PTGR1: variants seen among roughly 807,000 people sequenced by gnomAD.
PTGR1 encodes prostaglandin reductase 1, also known as 15-oxoprostaglandin 13-reductase.
In PTGR1, 23 loss-of-function variants were observed where a neutral mutation model predicts 37.7. That is an observed-to-expected ratio of 0.61 (90% CI 0.44 to 0.86). The LOEUF (loss-of-function observed/expected upper bound fraction) is 0.86, where lower values mean the gene tolerates loss of function less well. PTGR1 is among the 40% of genes least tolerant of loss of function. The pLI, the probability that PTGR1 is intolerant of heterozygous loss-of-function variation, is 0.00. For synonymous variants in PTGR1, 134 were observed against 140.0 expected, an observed-to-expected ratio of 0.96 and a Z score of 0.30; for missense variants, 351 against 394.3, an observed-to-expected ratio of 0.89 and a Z score of 0.93.
chr9:111,579,421 T>C (rs1282911452), intron 6 of PTGR1, among the ~76,000 whole-genome samples: 1 of 152,140 alleles, frequency 6.6e-6, no homozygotes, highest in African/African-American at 2.4e-5. Flanking sequence ...TTTTGAGACA[T>C]GGTCTCACTC....
intron 9 of PTGR1, among the ~76,000 whole-genome samples, chr9:111,568,032 G>T (rs1025545079): frequency 6.6e-6 from 1 of 152,166 alleles, no homozygotes; most frequent in Non-Finnish European, 1.5e-5. Flanking sequence ...TGTACAAATT[G>T]ATTGTAAAAC....
chr9:111,594,069 AC>A (rs1265498145), intron 3 of PTGR1, among the ~76,000 whole-genome samples, 152 bp downstream of exon 3: 1 of 151,988 alleles, frequency 6.6e-6, no homozygotes, highest in Non-Finnish European at 1.5e-5. Flanking sequence ...CCTGCAAAAG[AC>A]GAGCGTGCAT....
At position 111,594,239 on chromosome 9, in the gene PTGR1, G is replaced by A. The variant is rs142937318; in HGVS notation, c.135C>T (p.Thr45=). 69 of 1,613,432 alleles carry A rather than the reference G, an allele frequency of 4.3e-5. No individual in the cohort carries two copies. The Admixed American group carries it at 5.7e-4, about 13-fold the overall frequency. ...AATAATACCTCATGTAGGGATCCAC[G>A]GTGAGGAACAAAGCTTCAAGCAGGA... ...GEVLLEALFL[T]VDPYMRVAAK... The change falls in exon 3 of 10, where the codon ACC becomes ACT. Residue 45 remains threonine, a synonymous_variant. Transcript: ENST00000407693.
intron 9 of PTGR1, among the ~76,000 whole-genome samples, chr9:111,567,535 C>G (rs879164992): frequency 2.6e-5 from 4 of 151,888 alleles, no homozygotes; most frequent in Non-Finnish European, 5.9e-5. Context: ...ATTCAGCAAG[C>G]AGTTACAGAG....
At chr9:111,583,346 A>C in intron 6 of PTGR1, 126 bp downstream of exon 6, 1 of 755,630 alleles carries the variant, frequency 1.3e-6, no homozygotes, top group Non-Finnish European at 2.2e-6. Flanking sequence ...CAATTTCTCA[A>C]TCTCCAACTT....
In PTGR1 at chr9:111,597,445, A is replaced by T; in HGVS notation, c.-10-13T>A. ...CATCCTGAAGCTCCTAGAACACAGT[A>T]AATATGTAGTCAACTGCCATGAAGT... On this transcript the variant is annotated splice_polypyrimidine_tract_variant and intron_variant, in intron 1 of 9. Coordinates refer to ENST00000407693, the MANE Select transcript of PTGR1 (RefSeq NM_001146108.2). The T allele has an allele frequency of 6.5e-7, 1 of 1,538,094 alleles. No homozygotes were observed. Among genetic ancestry groups the T allele is most frequent in the Non-Finnish European group, 9.0e-7 (1 of 1,116,046 alleles).
At chr9:111,559,004 G>C (rs887415113), downstream of PTGR1, among the ~76,000 whole-genome samples, 1 of 152,034 alleles carries the variant, frequency 6.6e-6, no homozygotes, top group Non-Finnish European at 1.5e-5. Flanking sequence ...ACATCCTGCA[G>C]CTCCTGGCCC....
intron 2 of PTGR1, among the ~76,000 whole-genome samples, chr9:111,596,439 C>A (rs1829781894): frequency 6.6e-6 from 1 of 151,706 alleles, no homozygotes; most frequent in Admixed American, 6.6e-5. Flanking sequence ...AGATGGGAAA[C>A]CCCGTCTCTA....
chr9:111,561,819 G>A (rs1383954912), downstream of PTGR1, among the ~76,000 whole-genome samples: 2 of 151,892 alleles, frequency 1.3e-5, no homozygotes, highest in Non-Finnish European at 1.5e-5. Flanking sequence ...CACTGATATC[G>A]GCAGGGAGGT....
chr9:111,572,064 G>T (rs767479623), intron 8 of PTGR1, among the ~76,000 whole-genome samples: 5 of 152,200 alleles, frequency 3.3e-5, no homozygotes, highest in Non-Finnish European at 7.3e-5. Context: ...AAGATGCCTG[G>T]TGTGCTAAGA....
intron 8 of PTGR1, among the ~76,000 whole-genome samples, chr9:111,572,756 C>CAAAAAAAAA (rs58101079): frequency 3.9e-4 from 25 of 63,408 alleles, no homozygotes; most frequent in Non-Finnish European, 5.1e-4. Context: ...GACCCTGTCT[C>CAAAAAAAAA]AAAAAAAAAA....
chr9:111,592,919 T>C lies in PTGR1; in HGVS notation c.209+7A>G. The stretch of plus-strand genomic sequence containing the variant: ...TTCCAAGCACTGGGACAAATGGAAA[T>C]AATTACTTGGCCACTTGCTGCCCCA... On this transcript the variant is annotated splice_region_variant and intron_variant, in intron 4 of 9. Transcript: ENST00000407693. 3 of 1,501,734 alleles carry C rather than the reference T, an allele frequency of 2.0e-6. No homozygotes were observed. The highest frequency in any genetic ancestry group is 2.7e-6 in the Non-Finnish European group (3 of 1,128,026). 93.0% of individuals were successfully genotyped at this position (1,501,734 alleles called of 1,614,324 possible).
chr9:111,592,678 CTTTT>C, intron 4 of PTGR1: 1 of 381,334 alleles, frequency 2.6e-6, no homozygotes, highest in Non-Finnish European at 4.5e-6. Flanking sequence ...TGGACAAATA[CTTTT>C]TTTTTTTTAG....
chr9:111,585,921 C>A, intron 5 of PTGR1, 77 bp downstream of exon 5: 1 of 1,541,562 alleles, frequency 6.5e-7, no homozygotes, highest in Non-Finnish European at 8.9e-7. Flanking sequence ...TTCCTGTTGA[C>A]CAAGTTCTGA....
chr9:111,551,730 A>G (rs944590244), intron 9 of PTGR1, among the ~76,000 whole-genome samples: 1 of 152,178 alleles, frequency 6.6e-6, no homozygotes, highest in African/African-American at 2.4e-5. Context: ...TTGCATCCAC[A>G]TTAACAAAAC....
chr9:111,585,888 G>A (rs1829414609), intron 5 of PTGR1, 110 bp downstream of exon 5: 1 of 1,267,424 alleles, frequency 7.9e-7, no homozygotes, highest in African/African-American at 1.5e-5. Context: ...ATCAGCCCCT[G>A]AGCCTATCAT....
chr9:111,596,824 G>C (rs1212181070), intron 2 of PTGR1, among the ~76,000 whole-genome samples: 30 of 150,802 alleles, frequency 2.0e-4, no homozygotes, highest in Non-Finnish European at 2.9e-5. Context: ...CTACTCAGGA[G>C]GCTGAGGCAA....
chr9:111,551,819 T>C (rs1324331754), intron 9 of PTGR1, among the ~76,000 whole-genome samples: 1 of 152,172 alleles, frequency 6.6e-6, no homozygotes, highest in African/African-American at 2.4e-5. Flanking sequence ...CAGTAACATA[T>C]CAATTCAGTT....
At chr9:111,592,095 G>A (rs987758501) in intron 4 of PTGR1, among the ~76,000 whole-genome samples, 4 of 152,174 alleles carry the variant, frequency 2.6e-5, no homozygotes, top group Non-Finnish European at 5.9e-5. Flanking sequence ...GGATAAGATA[G>A]GGCTGTAAAT....
Sources: gnomAD v4.1 joint callset for allele counts (sites outside exome capture counted in the v4.1 genomes callset) on GRCh38, gnomAD v4.1.1 for gene constraint, MANE v1.5 for transcripts, NCBI Gene and HGNC (gene_info 2026-07-23, HGNC 2026-07-21) for gene names.